Variants in CACNA2D3 observed in about 807,000 individuals in gnomAD.
CACNA2D3 encodes the protein calcium voltage-gated channel auxiliary subunit alpha2delta 3.
A neutral mutation model predicts 160.6 loss-of-function variants in CACNA2D3; 60 were observed. The ratio of observed to expected loss-of-function variants is 0.37; its 90% CI spans 0.30 to 0.46. The LOEUF (loss-of-function observed/expected upper bound fraction) is 0.46, where lower values mean the gene tolerates loss of function less well. Ranked by LOEUF, CACNA2D3 falls within the 20% of genes least tolerant of loss-of-function variation. The probability of loss-of-function intolerance (pLI) is 1.00; values close to 1 mark genes in which losing one functional copy is unlikely to be tolerated. For synonymous variants in CACNA2D3, 558 were observed against 492.9 expected, an observed-to-expected ratio of 1.13 and a Z score of -1.75; for missense variants, 1,205 against 1,365.0, an observed-to-expected ratio of 0.88 and a Z score of 1.85.
chr3:54,843,926 A>G (rs1454169865), intron 16 of CACNA2D3, among the ~76,000 whole-genome samples: 1 of 152,140 alleles, frequency 6.6e-6, no homozygotes, highest in Non-Finnish European at 1.5e-5. Context: ...TGACTGGGTG[A>G]GTCTGAGGTG....
intron 11 of CACNA2D3, among the ~76,000 whole-genome samples, chr3:54,718,608 T>C (rs1316714279): frequency 6.6e-6 from 1 of 152,122 alleles, no homozygotes; most frequent in Non-Finnish European, 1.5e-5. Flanking sequence ...TCTGGTAGTA[T>C]AAGTCTTCCA....
chr3:54,197,415 C>G (rs1701101128), intron 2 of CACNA2D3: 1 of 152,216 alleles, frequency 6.6e-6, no homozygotes, highest in Non-Finnish European at 1.5e-5. Context: ...ACTTCAAGTC[C>G]TCCTCTCCTT....
intron 11 of CACNA2D3, among the ~76,000 whole-genome samples, chr3:54,693,439 A>T (rs964591684): frequency 2.0e-5 from 3 of 152,250 alleles, no homozygotes; most frequent in Non-Finnish European, 4.4e-5. Flanking sequence ...CAACAGTCAT[A>T]TAAAAGTATA....
At chr3:54,822,743 T>TTTCTTTCC (rs1703638467) in intron 14 of CACNA2D3, among the ~76,000 whole-genome samples, 1 of 56,472 alleles carries the variant, frequency 1.8e-5, no homozygotes, top group East Asian at 5.4e-4. Flanking sequence ...TCTTTCTTTC[T>TTTCTTTCC]TTCTTTCTTT....
chr3:54,658,872 C>A (rs1204344900), intron 11 of CACNA2D3, among the ~76,000 whole-genome samples: 1 of 152,026 alleles, frequency 6.6e-6, no homozygotes, highest in East Asian at 1.9e-4. Flanking sequence ...TGTTCCCTGC[C>A]TTCCTCTCAA....
chr3:55,014,894 G>T (rs1228879213), intron 34 of CACNA2D3, among the ~76,000 whole-genome samples: 2 of 152,192 alleles, frequency 1.3e-5, no homozygotes, highest in Non-Finnish European at 2.9e-5. Context: ...TAAATTAAAT[G>T]TGGCCATGGC....
chr3:54,345,176 C>G (rs762960997), intron 3 of CACNA2D3, among the ~76,000 whole-genome samples: 3 of 152,186 alleles, frequency 2.0e-5, no homozygotes, highest in African/African-American at 7.2e-5. Flanking sequence ...CCTTTACTTA[C>G]GTAGTAATAA....
At chr3:54,523,426 G>A (rs1287673922) in intron 5 of CACNA2D3, among the ~76,000 whole-genome samples, 1 of 152,092 alleles carries the variant, frequency 6.6e-6, no homozygotes, top group Non-Finnish European at 1.5e-5. Context: ...CTTCTTAAGT[G>A]TTGCTGGATT....
At chr3:54,466,176 A>G (rs776774044) in intron 4 of CACNA2D3, among the ~76,000 whole-genome samples, 1 of 152,204 alleles carries the variant, frequency 6.6e-6, no homozygotes, top group African/African-American at 2.4e-5. Context: ...TCATCTGCAA[A>G]ATACCCCTAG....
chr3:54,288,497 A>G (rs1354857077), intron 2 of CACNA2D3, among the ~76,000 whole-genome samples: 4 of 152,316 alleles, frequency 2.6e-5, no homozygotes, highest in East Asian at 3.9e-4. Flanking sequence ...AGAAGTACAA[A>G]GAGGAGCTGG....
chr3:54,789,139 A>G (rs1702695384), intron 13 of CACNA2D3, among the ~76,000 whole-genome samples: 1 of 152,218 alleles, frequency 6.6e-6, no homozygotes, highest in African/African-American at 2.4e-5. Context: ...TTATTTAAAT[A>G]TAAGCATATC....
At chr3:54,158,110 C>T (rs1459746506) in intron 2 of CACNA2D3, among the ~76,000 whole-genome samples, 1 of 152,198 alleles carries the variant, frequency 6.6e-6, no homozygotes, top group Non-Finnish European at 1.5e-5. Flanking sequence ...AGTCTGGCTA[C>T]TTAGAGCTTT....
chr3:54,925,336 G>T, intron 27 of CACNA2D3: 2 of 764,814 alleles, frequency 2.6e-6, no homozygotes, highest in South Asian at 1.8e-5. Flanking sequence ...TCTACAACCT[G>T]CAAGAGAGGT....
chr3:54,249,029 T>C (rs961660316), intron 2 of CACNA2D3, among the ~76,000 whole-genome samples: 1 of 152,166 alleles, frequency 6.6e-6, no homozygotes, highest in Non-Finnish European at 1.5e-5. Flanking sequence ...TGTCATGTAA[T>C]GTAAGATGTA....
At chr3:54,797,321 A>G (rs964757283) in intron 13 of CACNA2D3, among the ~76,000 whole-genome samples, 2 of 152,216 alleles carry the variant, frequency 1.3e-5, no homozygotes, top group Non-Finnish European at 2.9e-5. Flanking sequence ...CCATGCAGCC[A>G]AGGAGACAGA....
intron 13 of CACNA2D3, among the ~76,000 whole-genome samples, chr3:54,792,174 A>G (rs1702771326): frequency 6.6e-6 from 1 of 152,180 alleles, no homozygotes; most frequent in Admixed American, 6.5e-5. Flanking sequence ...GTAGCTCTGC[A>G]CTGAAGGGTG....
intron 27 of CACNA2D3, among the ~76,000 whole-genome samples, chr3:54,932,496 C>G (rs1464582050): frequency 6.6e-6 from 1 of 152,116 alleles, no homozygotes; most frequent in African/African-American, 2.4e-5. Flanking sequence ...CTCGCTACAA[C>G]AAAAATTAAG....
At chr3:54,137,571 C>T (rs1346372049) in intron 2 of CACNA2D3, among the ~76,000 whole-genome samples, 2 of 152,180 alleles carry the variant, frequency 1.3e-5, no homozygotes, top group Admixed American at 1.3e-4. Flanking sequence ...AAGTCAGTGC[C>T]TTTCAAACTT....
intron 13 of CACNA2D3, among the ~76,000 whole-genome samples, chr3:54,789,150 A>T (rs185306658): frequency 6.6e-6 from 1 of 152,342 alleles, no homozygotes; most frequent in African/African-American, 2.4e-5. Flanking sequence ...TAAGCATATC[A>T]TTAAGTATAA....
Sources: gnomAD v4.1 joint callset for allele counts (sites outside exome capture counted in the v4.1 genomes callset) on GRCh38, gnomAD v4.1.1 for gene constraint, MANE v1.5 for transcripts, NCBI Gene and HGNC (gene_info 2026-07-23, HGNC 2026-07-21) for gene names.